Variants in CSMD1 observed in about 807,000 individuals in gnomAD.
The protein encoded by CSMD1 is CUB and Sushi multiple domains 1, also known as CUB and sushi domain-containing protein 1.
A neutral mutation model predicts 417.5 loss-of-function variants in CSMD1; 213 were observed. The ratio of observed to expected loss-of-function variants is 0.51; its 90% CI spans 0.46 to 0.57. CSMD1 has a LOEUF of 0.57. Among genes scored for constraint, CSMD1 ranks in the 20% least tolerant of loss-of-function variants. The pLI, the probability that CSMD1 is intolerant of heterozygous loss-of-function variation, is 0.00. For synonymous variants in CSMD1, 2,862 were observed against 1,736.8 expected, an observed-to-expected ratio of 1.65 and a Z score of -16.11; for missense variants, 6,923 against 4,529.7, an observed-to-expected ratio of 1.53 and a Z score of -15.17.
At chr8:4,676,889 G>C (rs986357581) in intron 1 of CSMD1, among the ~76,000 whole-genome samples, 20 of 149,588 alleles carry the variant, frequency 1.3e-4, no homozygotes, top group African/African-American at 4.7e-4. Flanking sequence ...TATATAGAGA[G>C]AGATTTTAGA....
In CSMD1 at chr8:4,392,335, G is replaced by T. The variant is rs537833298; in HGVS notation, c.415+27618C>A. Among the ~76,000 whole-genome samples the T allele has an allele frequency of 2.6e-5, 4 of 152,272 alleles. No individual in the cohort carries two copies. The South Asian group carries it at 8.3e-4, about 32-fold the overall frequency. On this transcript the variant is annotated intron_variant, in intron 3 of 69. Coordinates refer to ENST00000635120, the MANE Select transcript of CSMD1 (RefSeq NM_033225.6). ...GTTTTACCATGGGGACCACGGATAT[G>T]TAGGGAAGGTCACATGAGGAGGAGC...
At chr8:4,077,918 C>G (rs1179941700) in intron 3 of CSMD1, among the ~76,000 whole-genome samples, 3 of 152,082 alleles carry the variant, frequency 2.0e-5, no homozygotes, top group African/African-American at 4.8e-5. Context: ...GAAGACCTTG[C>G]CATCATCACA....
At chr8:4,372,237 A>G (rs563981049) in intron 3 of CSMD1, among the ~76,000 whole-genome samples, 7 of 152,210 alleles carry the variant, frequency 4.6e-5, no homozygotes, top group African/African-American at 1.2e-4. Flanking sequence ...GTAAAACTTT[A>G]TATGAAGTAA....
intron 17 of CSMD1, among the ~76,000 whole-genome samples, chr8:3,390,575 T>C (rs1193009013): frequency 6.6e-6 from 1 of 151,996 alleles, no homozygotes; most frequent in Non-Finnish European, 1.5e-5. Flanking sequence ...ACGACGTGTA[T>C]ATTCAGAGTC....
chr8:4,370,605 A>G (rs1176824976), intron 3 of CSMD1, among the ~76,000 whole-genome samples: 1 of 152,146 alleles, frequency 6.6e-6, no homozygotes, highest in African/African-American at 2.4e-5. Flanking sequence ...GCATAATCTC[A>G]TATTTTTGGA....
Position 4,362,409 on chromosome 8 carries a change from G to A in CSMD1, c.415+57544C>T, listed in dbSNP as rs368392283. ...AGCCTGGGGACAGAGTCTCAGGTCCGAGGGATTAGATGTAACTTTGGACAA... is the reference window on the plus strand; with the variant it reads ...AGCCTGGGGACAGAGTCTCAGGTCCAAGGGATTAGATGTAACTTTGGACAA... On this transcript the variant is annotated intron_variant, in intron 3 of 69. Coordinates refer to ENST00000635120, the MANE Select transcript of CSMD1 (RefSeq NM_033225.6). 3.3e-5 allele frequency among the ~76,000 whole-genome samples: 5 copies of A among 152,134 alleles called. No individual in the cohort carries two copies. The South Asian group carries it at 6.2e-4, about 19-fold the overall frequency.
intron 1 of CSMD1, among the ~76,000 whole-genome samples, chr8:4,961,069 G>A (rs1456458049): frequency 6.6e-6 from 1 of 152,018 alleles, no homozygotes; most frequent in African/African-American, 2.4e-5. Flanking sequence ...CTACACTTTG[G>A]AGTAAAATTA....
intron 1 of CSMD1, among the ~76,000 whole-genome samples, chr8:4,935,154 G>T (rs1230404729): frequency 3.3e-5 from 5 of 152,334 alleles, no homozygotes; most frequent in Admixed American, 3.3e-4. Flanking sequence ...AGTCACAGGT[G>T]AGGATTTTAA....
chr8:3,481,977 T>C (rs1156990403), intron 11 of CSMD1, among the ~76,000 whole-genome samples: 1 of 152,226 alleles, frequency 6.6e-6, no homozygotes, highest in African/African-American at 2.4e-5. Flanking sequence ...CAGTAGACTG[T>C]TATAAGTCAC....
intron 3 of CSMD1, among the ~76,000 whole-genome samples, chr8:4,183,308 A>C (rs749083014): frequency 9.2e-5 from 14 of 152,284 alleles, no homozygotes; most frequent in Middle Eastern, 3.4e-3. Flanking sequence ...TCAGCAATTA[A>C]ATATATTTAA....
chr8:4,116,857 A>C (rs190305325), intron 3 of CSMD1, among the ~76,000 whole-genome samples: 49 of 152,132 alleles, frequency 3.2e-4, no homozygotes, highest in Non-Finnish European at 7.4e-5. Flanking sequence ...CCTGGCATTT[A>C]CTGTACAATG....
At chr8:3,507,150 A>T (rs1796861052) in intron 10 of CSMD1, among the ~76,000 whole-genome samples, 1 of 152,198 alleles carries the variant, frequency 6.6e-6, no homozygotes, top group South Asian at 2.1e-4. Flanking sequence ...ATAGTGGAAA[A>T]GTGGTGATTT....
At chr8:3,421,641 C>G (rs139345779) in intron 12 of CSMD1, among the ~76,000 whole-genome samples, 2 of 152,010 alleles carry the variant, frequency 1.3e-5, no homozygotes, top group African/African-American at 2.4e-5. Context: ...CTACAGATGT[C>G]TTTTTCTTTT....
chr8:3,967,384 C>T (rs1033213513), intron 5 of CSMD1, among the ~76,000 whole-genome samples: 10 of 151,832 alleles, frequency 6.6e-5, no homozygotes, highest in African/African-American at 2.2e-4. Flanking sequence ...GCTCATTATT[C>T]TCTAGGGAGG....
chr8:3,979,709 C>T (rs1053710829), intron 5 of CSMD1, among the ~76,000 whole-genome samples: 3 of 152,204 alleles, frequency 2.0e-5, no homozygotes, highest in African/African-American at 7.2e-5. Flanking sequence ...GTACCCAGAA[C>T]TGAATAAGCT....
rs376414975 is a variant in CSMD1, at chr8:3,652,788, A to G, written c.1010-35991T>C. ...ATTTGGCTGGGAAAACAGCCCAAACATATACCTGGAATATAAAGTCCTGGG... is the reference window on the plus strand; with the variant it reads ...ATTTGGCTGGGAAAACAGCCCAAACGTATACCTGGAATATAAAGTCCTGGG... On this transcript the variant is annotated intron_variant, in intron 7 of 69. Transcript: ENST00000635120. Among the ~76,000 whole-genome samples, 18 of 152,298 alleles carry G rather than the reference A, an allele frequency of 1.2e-4. No homozygotes were observed. In the East Asian group the frequency reaches 3.3e-3, roughly 28 times the overall value.
intron 2 of CSMD1, among the ~76,000 whole-genome samples, chr8:4,635,274 C>A (rs757314063): frequency 1.3e-5 from 2 of 152,182 alleles, no homozygotes; most frequent in African/African-American, 2.4e-5. Flanking sequence ...AATTTATTTA[C>A]TGTTCACTCA....
At chr8:3,341,182 C>T (rs1034716040) in intron 23 of CSMD1, among the ~76,000 whole-genome samples, 14 of 152,090 alleles carry the variant, frequency 9.2e-5, no homozygotes, top group Non-Finnish European at 1.5e-4. Flanking sequence ...TGACGCAAGC[C>T]TTCTGGGTGA....
At chr8:3,414,155 A>T (rs2116941650) in intron 12 of CSMD1, among the ~76,000 whole-genome samples, 1 of 150,032 alleles carries the variant, frequency 6.7e-6, no homozygotes, top group African/African-American at 2.4e-5. Context: ...GAAAAAAAAA[A>T]AAAAAAGAAG....
Sources: allele counts gnomAD v4.1 joint callset (sites outside exome capture counted in the v4.1 genomes callset), GRCh38; gene constraint gnomAD v4.1.1; transcripts MANE v1.5; gene names NCBI Gene and HGNC (gene_info 2026-07-23, HGNC 2026-07-21).